The following SCHIP1 variants were observed in gnomAD, a reference collection of about 807,000 sequenced individuals.
The protein encoded by SCHIP1 is schwannomin interacting protein 1, also known as schwannomin-interacting protein 1.
In SCHIP1, 8 loss-of-function variants were observed where a neutral mutation model predicts 29.7. The ratio of observed to expected loss-of-function variants is 0.27; its 90% confidence interval spans 0.16 to 0.49. The LOEUF (loss-of-function observed/expected upper bound fraction) is 0.49. Among genes scored for constraint, SCHIP1 ranks in the 20% least tolerant of loss-of-function variants. SCHIP1 has a pLI of 0.99. For synonymous variants in SCHIP1, 76 were observed against 94.9 expected, an observed-to-expected ratio of 0.80 and a Z score of 1.16; for missense variants, 193 against 294.6, an observed-to-expected ratio of 0.66 and a Z score of 2.52.
chr3:159,509,819 G>A, the SCHIP1 span, among the ~76,000 whole-genome samples: 1 of 152,210 alleles, frequency 6.6e-6, no homozygotes, highest in Non-Finnish European at 1.5e-5. Context: ...GGCTTGTAGA[G>A]TTTCTGCTGA....
the SCHIP1 span, among the ~76,000 whole-genome samples, chr3:159,685,481 A>G: frequency 6.6e-6 from 1 of 152,368 alleles, no homozygotes; most frequent in African/African-American, 2.4e-5. Flanking sequence ...GAGAAAGAAT[A>G]AACAACAATT....
chr3:159,888,532 G>A (rs1164474520), intron 4 of SCHIP1: 2 of 288,358 alleles, frequency 6.9e-6, no homozygotes, highest in Non-Finnish European at 1.3e-5. Flanking sequence ...TATTATTGAT[G>A]TTCCTTGATA....
chr3:159,806,098 C>A, the SCHIP1 span, among the ~76,000 whole-genome samples: 1 of 152,138 alleles, frequency 6.6e-6, no homozygotes, highest in African/African-American at 2.4e-5. Flanking sequence ...CGTGAGCCAC[C>A]GCGCCTGGCC....
At chr3:159,401,380 G>A in the SCHIP1 span, 1 of 969,774 alleles carries the variant, frequency 1.0e-6, no homozygotes, top group Non-Finnish European at 1.2e-6. Flanking sequence ...AAGGTTGAGT[G>A]ACATCTATTT....
At chr3:159,668,680 G>C in the SCHIP1 span, among the ~76,000 whole-genome samples, 2,043 of 152,156 alleles carry the variant, frequency 0.013, 45 homozygotes, top group African/African-American at 0.048. Flanking sequence ...CCATCAGCTG[G>C]AAAGAGCTGA....
the SCHIP1 span, among the ~76,000 whole-genome samples, chr3:159,395,500 AG>A: frequency 4.0e-4 from 60 of 151,148 alleles, no homozygotes; most frequent in African/African-American, 1.2e-3. Flanking sequence ...AATGTGTCCC[AG>A]AGATTCTGGT....
At chr3:159,385,776 C>T in the SCHIP1 span, among the ~76,000 whole-genome samples, 2 of 152,084 alleles carry the variant, frequency 1.3e-5, no homozygotes, top group East Asian at 3.9e-4. Context: ...CATAGGTATA[C>T]ATGTGCCATG....
the SCHIP1 span, among the ~76,000 whole-genome samples, chr3:159,506,516 G>A: frequency 2.0e-5 from 3 of 152,172 alleles, no homozygotes; most frequent in Admixed American, 6.5e-5. Flanking sequence ...ATTGCTTTTG[G>A]TGTTTTAGAC....
chr3:159,336,132 T>A, the SCHIP1 span, among the ~76,000 whole-genome samples: 1 of 152,252 alleles, frequency 6.6e-6, no homozygotes, highest in Non-Finnish European at 1.5e-5. Context: ...TTTGGCTGCA[T>A]AAATGTCTTC....
chr3:159,513,707 C>A, the SCHIP1 span, among the ~76,000 whole-genome samples: 2 of 152,204 alleles, frequency 1.3e-5, no homozygotes, highest in African/African-American at 4.8e-5. Context: ...CCAAATAGCA[C>A]TCTCCAGACA....
the SCHIP1 span, among the ~76,000 whole-genome samples, chr3:159,295,906 T>A: frequency 1.3e-5 from 2 of 152,192 alleles, no homozygotes; most frequent in South Asian, 4.1e-4. Flanking sequence ...TAATTAATAA[T>A]GTACACATAT....
chr3:159,690,760 G>A, the SCHIP1 span, among the ~76,000 whole-genome samples: 1 of 152,172 alleles, frequency 6.6e-6, no homozygotes, highest in Non-Finnish European at 1.5e-5. Context: ...TCTAAACACT[G>A]CTTTAGATGT....
chr3:159,341,140 T>A, the SCHIP1 span, among the ~76,000 whole-genome samples: 1 of 152,126 alleles, frequency 6.6e-6, no homozygotes. Context: ...GTGTTTTCTT[T>A]GCTATCTCAC....
chr3:159,875,300 T>C (rs1208929980), intron 2 of SCHIP1, among the ~76,000 whole-genome samples: 2 of 152,330 alleles, frequency 1.3e-5, no homozygotes, highest in East Asian at 3.9e-4. Context: ...TTAGGTGCAA[T>C]TAATTTTATG....
the SCHIP1 span, among the ~76,000 whole-genome samples, chr3:159,392,618 C>G: frequency 3.3e-5 from 5 of 151,910 alleles, no homozygotes; most frequent in Admixed American, 3.3e-4. Flanking sequence ...CAATTTCATC[C>G]ATGTCCCTAC....
the SCHIP1 span, among the ~76,000 whole-genome samples, chr3:159,558,011 T>C: frequency 2.6e-5 from 4 of 152,286 alleles, no homozygotes; most frequent in South Asian, 8.3e-4. Context: ...CCGCAAGATA[T>C]AAATTCCCCG....
At chr3:159,775,521 GC>G in the SCHIP1 span, among the ~76,000 whole-genome samples, 19 of 152,328 alleles carry the variant, frequency 1.2e-4, no homozygotes, top group African/African-American at 4.6e-4. Context: ...GTGGTCCTCA[GC>G]CTGCCTGTTT....
intron 1 of SCHIP1, among the ~76,000 whole-genome samples, chr3:159,840,776 A>G (rs1050459882): frequency 2.3e-4 from 35 of 152,338 alleles, no homozygotes; most frequent in African/African-American, 8.2e-4. Flanking sequence ...GTAAATAAGC[A>G]TTAAAGTATC....
the SCHIP1 span, among the ~76,000 whole-genome samples, chr3:159,714,708 C>A: frequency 6.6e-6 from 1 of 152,220 alleles, no homozygotes; most frequent in Non-Finnish European, 1.5e-5. Flanking sequence ...GGGGTGCCCG[C>A]CATTGCTGAG....
Sources: allele counts gnomAD v4.1 joint callset (sites outside exome capture counted in the v4.1 genomes callset), GRCh38; gene constraint gnomAD v4.1.1; transcripts MANE v1.5; gene names NCBI Gene and HGNC (gene_info 2026-07-23, HGNC 2026-07-21).